DPP10: variants seen among roughly 807,000 people sequenced by gnomAD.
DPP10 encodes dipeptidyl peptidase like 10.
Under a neutral mutation model 120.9 loss-of-function variants are expected in DPP10, and 33 were observed. The ratio of observed to expected loss-of-function variants is 0.27; its 90% CI spans 0.21 to 0.37. The LOEUF (loss-of-function observed/expected upper bound fraction) is 0.37. Among genes scored for constraint, DPP10 ranks in the 10% least tolerant of loss-of-function variants. The pLI is 1.00. For missense variants in DPP10, 816 were observed against 942.8 expected, an observed-to-expected ratio of 0.87 and a Z score of 1.76; for synonymous variants, 337 against 326.1, an observed-to-expected ratio of 1.03 and a Z score of -0.36.
At chr2:114,520,336 A>T (rs1454199953) in intron 1 of DPP10, among the ~76,000 whole-genome samples, 2 of 152,244 alleles carry the variant, frequency 1.3e-5, no homozygotes, top group African/African-American at 4.8e-5. Flanking sequence ...TAAATGAATA[A>T]AGTAAAATAC....
chr2:115,317,656 G>A (rs1235038975), intron 2 of DPP10, among the ~76,000 whole-genome samples: 5 of 149,362 alleles, frequency 3.3e-5, no homozygotes, highest in Non-Finnish European at 7.4e-5. Context: ...TCAATTATGG[G>A]CATTCAAGAG....
chr2:114,695,336 G>A (rs1160985350), intron 1 of DPP10, among the ~76,000 whole-genome samples: 2 of 152,028 alleles, frequency 1.3e-5, no homozygotes, highest in South Asian at 4.1e-4. Context: ...ATAAACAAAT[G>A]CCATGCAGAT....
At chr2:115,337,056 C>T (rs2063181841) in intron 2 of DPP10, among the ~76,000 whole-genome samples, 1 of 151,758 alleles carries the variant, frequency 6.6e-6, no homozygotes, top group East Asian at 1.9e-4. Flanking sequence ...TGACTGAGTT[C>T]CGTTGTAACT....
chr2:115,336,184 TC>T (rs1170863258), intron 2 of DPP10, among the ~76,000 whole-genome samples: 1 of 151,998 alleles, frequency 6.6e-6, no homozygotes, highest in Non-Finnish European at 1.5e-5. Flanking sequence ...CCAACTCATT[TC>T]AAAGGCCATT....
At chr2:115,408,846 A>G (rs964345201) in intron 3 of DPP10, among the ~76,000 whole-genome samples, 9 of 152,134 alleles carry the variant, frequency 5.9e-5, no homozygotes, top group African/African-American at 2.2e-4. Flanking sequence ...TTTTAGCCTT[A>G]ATTTTAAAAA....
At chr2:114,653,167 G>T (rs1170611967) in intron 1 of DPP10, among the ~76,000 whole-genome samples, 1 of 152,072 alleles carries the variant, frequency 6.6e-6, no homozygotes, top group African/African-American at 2.4e-5. Flanking sequence ...GTCTTTTGCA[G>T]ACGTAATTAG....
At chr2:114,894,306 A>C (rs1692789457) in intron 1 of DPP10, among the ~76,000 whole-genome samples, 1 of 152,190 alleles carries the variant, frequency 6.6e-6, no homozygotes, top group African/African-American at 2.4e-5. Context: ...GTAACAATTT[A>C]TTTCTGGGCC....
intron 3 of DPP10, among the ~76,000 whole-genome samples, chr2:115,418,655 C>A (rs976810494): frequency 3.3e-5 from 5 of 151,508 alleles, no homozygotes; most frequent in African/African-American, 1.2e-4. Flanking sequence ...GTCTGTGGTC[C>A]CAGCTACTTG....
chr2:115,807,656 T>C (rs1007660295), intron 19 of DPP10, among the ~76,000 whole-genome samples: 1 of 151,918 alleles, frequency 6.6e-6, no homozygotes, highest in African/African-American at 2.4e-5. Flanking sequence ...CGATAATAGT[T>C]CATCATGACA....
chr2:115,752,073 C>T lies in DPP10; in HGVS notation c.951-1101C>T, dbSNP rs563497994. On this transcript the variant is annotated intron_variant, in intron 10 of 25. Transcript: ENST00000410059. Reference sequence around the variant, plus strand: ...TTGGCCTCCCAAAGTGCTGGGATTACAGGCATAAGTCACTGCACCTGGCCA... The same window carrying T: ...TTGGCCTCCCAAAGTGCTGGGATTATAGGCATAAGTCACTGCACCTGGCCA... Among the ~76,000 whole-genome samples, 4 of 152,304 alleles carry T rather than the reference C, an allele frequency of 2.6e-5. No homozygotes were observed. In the East Asian group the frequency reaches 7.7e-4, roughly 29 times the overall value.
At chr2:115,799,740 C>T (rs1354287197) in intron 19 of DPP10, among the ~76,000 whole-genome samples, 1 of 151,734 alleles carries the variant, frequency 6.6e-6, no homozygotes, top group Non-Finnish European at 1.5e-5. Flanking sequence ...CAGCTTCATC[C>T]ATGTCCCTAC....
chr2:115,379,346 G>C (rs1406710743), intron 3 of DPP10, among the ~76,000 whole-genome samples: 2 of 152,178 alleles, frequency 1.3e-5, no homozygotes, highest in East Asian at 3.8e-4. Context: ...GTGTAGAGTT[G>C]TTTGTAGTAT....
intron 3 of DPP10, among the ~76,000 whole-genome samples, chr2:115,467,809 C>T (rs1286669123): frequency 6.6e-6 from 1 of 152,078 alleles, no homozygotes; most frequent in African/African-American, 2.4e-5. Context: ...ACAGGCAGGA[C>T]CTTGTGAAGC....
intron 1 of DPP10, among the ~76,000 whole-genome samples, chr2:114,787,675 G>A (rs2106221926): frequency 6.6e-6 from 1 of 152,258 alleles, no homozygotes; most frequent in Admixed American, 6.5e-5. Flanking sequence ...ATGTGTGTAT[G>A]TGCCTCTAAG....
At chr2:115,784,640 T>A (rs1683133700) in intron 17 of DPP10, among the ~76,000 whole-genome samples, 1 of 152,124 alleles carries the variant, frequency 6.6e-6, no homozygotes, top group South Asian at 2.1e-4. Flanking sequence ...TTCAAGCAAT[T>A]CTCCTGCCTC....
At chr2:115,296,108 G>A (rs1318336678) in intron 1 of DPP10, among the ~76,000 whole-genome samples, 1 of 152,058 alleles carries the variant, frequency 6.6e-6, no homozygotes, top group Non-Finnish European at 1.5e-5. Flanking sequence ...CCTCTGGTGA[G>A]CCTTAGGAAA....
intron 3 of DPP10, among the ~76,000 whole-genome samples, chr2:115,371,304 T>G (rs1357320962): frequency 2.0e-5 from 3 of 152,172 alleles, no homozygotes; most frequent in African/African-American, 7.2e-5. Flanking sequence ...AATTTAAGTA[T>G]AATACAACTG....
intron 1 of DPP10, among the ~76,000 whole-genome samples, chr2:114,999,614 G>A (rs1287367976): frequency 2.6e-5 from 4 of 152,136 alleles, no homozygotes; most frequent in Admixed American, 6.5e-5. Flanking sequence ...GCCTTTGTCG[G>A]TGCTAATTCC....
intron 1 of DPP10, among the ~76,000 whole-genome samples, chr2:114,459,536 T>G (rs1206179829): frequency 6.6e-6 from 1 of 152,204 alleles, no homozygotes; most frequent in African/African-American, 2.4e-5. Context: ...TGGGTTTTCC[T>G]TATTCCTTAA....
Sources: gnomAD v4.1 joint callset for allele counts (sites outside exome capture counted in the v4.1 genomes callset) on GRCh38, gnomAD v4.1.1 for gene constraint, MANE v1.5 for transcripts, NCBI Gene and HGNC (gene_info 2026-07-23, HGNC 2026-07-21) for gene names.